Variants in SERGEF observed in about 807,000 individuals in gnomAD.
SERGEF encodes secretion regulating guanine nucleotide exchange factor.
SERGEF carries 51 observed loss-of-function variants against 50.0 expected under a neutral mutation model. The observed-to-expected ratio is 1.02, with a 90% confidence interval of 0.81 to 1.29. SERGEF has a LOEUF of 1.29. SERGEF is among the 50% of genes most tolerant of loss of function. The pLI, the probability that SERGEF is intolerant of heterozygous loss-of-function variation, is 0.00. For missense variants in SERGEF, 521 were observed against 557.0 expected (o/e 0.94, Z 0.65); for synonymous variants, 205 against 212.4 (o/e 0.97, Z 0.30).
At chr11:17,933,445 C>T (rs529579704) in intron 9 of SERGEF, among the ~76,000 whole-genome samples, 24 of 152,210 alleles carry the variant, frequency 1.6e-4, no homozygotes, top group African/African-American at 5.3e-4. Flanking sequence ...GGAAAGAGCA[C>T]TAAACTGGGT....
intron 9 of SERGEF, among the ~76,000 whole-genome samples, chr11:17,930,507 C>T (rs1373326671): frequency 6.6e-6 from 1 of 152,182 alleles, no homozygotes; most frequent in Non-Finnish European, 1.5e-5. Context: ...CCAATGGCTG[C>T]AGCCATGGGG....
intron 10 of SERGEF, among the ~76,000 whole-genome samples, chr11:17,853,374 G>A (rs1850748359): frequency 6.6e-6 from 1 of 152,070 alleles, no homozygotes; most frequent in South Asian, 2.1e-4. Flanking sequence ...TATTTCCCAA[G>A]GCACCACACC....
intron 10 of SERGEF, among the ~76,000 whole-genome samples, chr11:17,832,790 G>C (rs910348072): frequency 4.6e-5 from 7 of 152,202 alleles, no homozygotes; most frequent in Non-Finnish European, 1.0e-4. Flanking sequence ...CAAAGAGATT[G>C]GCGGTATTTT....
In SERGEF at chr11:18,012,683, C is replaced by T. The variant is rs112220563; in HGVS notation, c.60+268G>A. 24 of 1,191,608 alleles carry T rather than the reference C, an allele frequency of 2.0e-5. No individual in the cohort carries two copies. In the African/African-American group the frequency reaches 2.9e-4, roughly 14 times the overall value. The allele number at this position is 1,191,608 out of a possible 1,614,324, so 73.8% of individuals were successfully genotyped here. A position where few individuals can be genotyped will look rare whatever the true frequency, so the allele number is the denominator to read the frequency against. ...CTCTCGCGGAACCAGACGCTCTGCC[C>T]CGAGGCAGGTTCTTCCCGCGGCGCC... On this transcript the variant is annotated intron_variant, in intron 1 of 10. Coordinates refer to ENST00000265965, the MANE Select transcript of SERGEF (RefSeq NM_012139.4).
chr11:17,876,911 T>C (rs572444673), intron 10 of SERGEF, among the ~76,000 whole-genome samples: 3 of 152,386 alleles, frequency 2.0e-5, no homozygotes, highest in Admixed American at 1.3e-4. Flanking sequence ...CTGCAAAGCA[T>C]GCAGGTTTGC....
chr11:17,962,289 G>A (rs957044088), intron 8 of SERGEF, among the ~76,000 whole-genome samples: 2 of 152,038 alleles, frequency 1.3e-5, no homozygotes, highest in Admixed American at 1.3e-4. Context: ...AGGACTGTAA[G>A]TGCTGAAATA....
intron 9 of SERGEF, among the ~76,000 whole-genome samples, chr11:17,931,852 A>T (rs1335607600): frequency 6.6e-6 from 1 of 152,172 alleles, no homozygotes; most frequent in African/African-American, 2.4e-5. Context: ...TCTGGGAGTG[A>T]CGCCCAGCAA....
rs1853649839 is a variant in SERGEF at position 17,988,742 on chromosome 11, C to T, written c.699G>A (p.Val233=). 2.5e-6 allele frequency: 4 copies of T among 1,613,872 alleles called. No individual in the cohort carries two copies. The highest frequency in any genetic ancestry group is 1.3e-5 in the African/African-American group (1 of 74,930). ...HSASLTDAGE[V]YVWGSNKHGQ... is the part of the protein sequence containing the mutation. ...CATGCTTGTTGCTTCCCCAAACATA[C>T]ACCTCTCCTGCATCTTAAACAAACA... The change falls in exon 8 of 11, where the codon GTG becomes GTA. Residue 233 remains valine, a synonymous_variant. Coordinates refer to ENST00000265965, the MANE Select transcript of SERGEF (RefSeq NM_012139.4).
chr11:17,802,800 C>T (rs955619325), intron 10 of SERGEF, among the ~76,000 whole-genome samples: 1 of 152,176 alleles, frequency 6.6e-6, no homozygotes, highest in African/African-American at 2.4e-5. Context: ...CTCAGAGGGC[C>T]TTCCCTGATC....
intron 10 of SERGEF, among the ~76,000 whole-genome samples, chr11:17,824,783 T>A (rs1850159410): frequency 1.3e-5 from 2 of 152,224 alleles, no homozygotes; most frequent in Admixed American, 6.5e-5. Flanking sequence ...TAGGGCTCCA[T>A]CCTTAAGACC....
At chr11:17,939,730 C>T (rs901945463) in intron 9 of SERGEF, 6 of 152,324 alleles carry the variant, frequency 3.9e-5, no homozygotes, top group Admixed American at 3.9e-4. Context: ...AAGGGATATC[C>T]CAAAAGTGCA....
At chr11:17,821,958 A>C (rs1850094591) in intron 10 of SERGEF, among the ~76,000 whole-genome samples, 1 of 152,210 alleles carries the variant, frequency 6.6e-6, no homozygotes, top group Non-Finnish European at 1.5e-5. Context: ...AAAAAGGGGT[A>C]AATCTTACCA....
At chr11:17,865,594 T>C (rs1851007872) in intron 10 of SERGEF, among the ~76,000 whole-genome samples, 1 of 152,106 alleles carries the variant, frequency 6.6e-6, no homozygotes, top group South Asian at 2.1e-4. Context: ...TGTGTGTTTG[T>C]GTTTTAAACA....
At position 18,011,166 on chromosome 11, in the gene SERGEF, A is replaced by ACACC. The variant is rs71457886; in HGVS notation, c.60+1784_60+1785insGGTG. ...CACACACACACACACACACACACAC[A>ACACC]CCCCTAACAAGGTAAATCCCCTTCC... On this transcript the variant is annotated intron_variant, in intron 1 of 10. Transcript: ENST00000265965. Among the ~76,000 whole-genome samples the ACACC allele has an allele frequency of 1.2e-3, 184 of 150,566 alleles. 1 individual carries two copies. Among genetic ancestry groups the ACACC allele is most frequent in the African/African-American group, 4.1e-3 (168 of 40,930 alleles).
At chr11:17,881,957 C>T (rs1851339267) in intron 9 of SERGEF, among the ~76,000 whole-genome samples, 1 of 152,222 alleles carries the variant, frequency 6.6e-6, no homozygotes. Context: ...GCCTCATTTC[C>T]TCCCTCTGCT....
intron 9 of SERGEF, among the ~76,000 whole-genome samples, chr11:17,898,302 A>G (rs1336102465): frequency 2.0e-5 from 3 of 152,152 alleles, no homozygotes; most frequent in African/African-American, 7.2e-5. Flanking sequence ...GGCAGGGAGA[A>G]AGGAACATGA....
chr11:17,916,400 T>C (rs1355665027), intron 9 of SERGEF, among the ~76,000 whole-genome samples: 1 of 152,190 alleles, frequency 6.6e-6, no homozygotes, highest in African/African-American at 2.4e-5. Flanking sequence ...TGGACATAGA[T>C]GAAAGAGAAG....
At chr11:17,998,442 T>C (rs1853887076) in intron 5 of SERGEF, among the ~76,000 whole-genome samples, 1 of 2,626 alleles carries the variant, frequency 3.8e-4, no homozygotes, top group East Asian at 6.3e-3. Context: ...CATACATACA[T>C]ATATATATAT....
intron 10 of SERGEF, among the ~76,000 whole-genome samples, chr11:17,820,674 C>T (rs1019241091): frequency 2.0e-5 from 3 of 152,174 alleles, no homozygotes; most frequent in African/African-American, 7.2e-5. Context: ...TTAGTCAATG[C>T]CTTAACCCCC....
Sources: gnomAD v4.1 joint callset for allele counts (sites outside exome capture counted in the v4.1 genomes callset) on GRCh38, gnomAD v4.1.1 for gene constraint, MANE v1.5 for transcripts, NCBI Gene and HGNC (gene_info 2026-07-23, HGNC 2026-07-21) for gene names.